Variants in STAM observed in about 807,000 individuals in gnomAD.
The protein encoded by STAM is signal transducing adaptor molecule, also known as signal transducing adapter molecule 1.
A neutral mutation model predicts 63.4 loss-of-function variants in STAM; 16 were observed. That is an observed-to-expected ratio of 0.25 (90% CI 0.17 to 0.38). The LOEUF (loss-of-function observed/expected upper bound fraction) is 0.38. Among genes scored for constraint, STAM ranks in the 10% least tolerant of loss-of-function variants. STAM has a pLI of 1.00. For missense variants in STAM, 636 were observed against 657.1 expected, an observed-to-expected ratio of 0.97 and a Z score of 0.35; for synonymous variants, 238 against 223.9, an observed-to-expected ratio of 1.06 and a Z score of -0.56.
rs1239507957 is a variant in STAM, at chr10:17,667,459, A to G, written c.125+6911A>G. Among the ~76,000 whole-genome samples the G allele has an allele frequency of 2.0e-5, 3 of 152,126 alleles. No homozygotes were observed. In the East Asian group the frequency reaches 5.8e-4, roughly 29 times the overall value. On this transcript the variant is annotated intron_variant, in intron 2 of 13. Coordinates refer to ENST00000377524, the MANE Select transcript of STAM (RefSeq NM_003473.4). ...TTTTTAAAACGTGATCTTGATTTCC[A>G]TGTTTCACTCAGTTTCGTAACATGG...
At chr10:17,656,437 G>T (rs1833943562) in intron 1 of STAM, among the ~76,000 whole-genome samples, 1 of 152,050 alleles carries the variant, frequency 6.6e-6, no homozygotes, top group Non-Finnish European at 1.5e-5. Context: ...GGTTGGTCTG[G>T]TGGGCCATTG....
intron 1 of STAM, among the ~76,000 whole-genome samples, chr10:17,657,529 A>C (rs1187939424): frequency 6.6e-6 from 1 of 152,244 alleles, no homozygotes; most frequent in Non-Finnish European, 1.5e-5. Context: ...AAGAGATTAC[A>C]CAGAATTAGT....
chr10:17,676,298 G>A (rs1834853026), intron 2 of STAM, among the ~76,000 whole-genome samples: 1 of 152,098 alleles, frequency 6.6e-6, no homozygotes, highest in Non-Finnish European at 1.5e-5. Context: ...GGCAGGAGTG[G>A]GTATAGGGAG....
intron 8 of STAM, among the ~76,000 whole-genome samples, chr10:17,699,693 G>T (rs904737166): frequency 6.6e-6 from 1 of 152,210 alleles, no homozygotes; most frequent in Non-Finnish European, 1.5e-5. Flanking sequence ...AAACGCCTAC[G>T]TGGCACGCCA....
chr10:17,699,233 T>C (rs1311257810), intron 8 of STAM, among the ~76,000 whole-genome samples: 4 of 152,218 alleles, frequency 2.6e-5, no homozygotes, highest in Admixed American at 6.5e-5. Context: ...AGGGCATATC[T>C]CATAAGATTG....
At chr10:17,672,198 A>G (rs1237510501) in intron 2 of STAM, among the ~76,000 whole-genome samples, 2 of 152,216 alleles carry the variant, frequency 1.3e-5, no homozygotes, top group African/African-American at 4.8e-5. Context: ...CGCGCCTAAC[A>G]TTGAGCTATA....
At chr10:17,698,729 AATAAT>A (rs1343774120) in intron 8 of STAM, among the ~76,000 whole-genome samples, 1 of 152,102 alleles carries the variant, frequency 6.6e-6, no homozygotes, top group East Asian at 1.9e-4. Flanking sequence ...ATTGTATATA[AATAAT>A]ATATTTTTTT....
intron 12 of STAM, 119 bp from the exon 13 acceptor site, chr10:17,708,657 A>G (rs191949232): frequency 4.7e-6 from 5 of 1,068,540 alleles, no homozygotes; most frequent in Non-Finnish European, 6.4e-6. Context: ...ATAACTTTGA[A>G]AAAAGGATTC....
intron 4 of STAM, among the ~76,000 whole-genome samples, chr10:17,685,876 G>C (rs1232923344): frequency 6.6e-6 from 1 of 152,140 alleles, no homozygotes; most frequent in Non-Finnish European, 1.5e-5. Flanking sequence ...TAATATGTGA[G>C]TTTCCCCAGT....
At chr10:17,663,168 C>G (rs782642113) in intron 2 of STAM, among the ~76,000 whole-genome samples, 2 of 152,090 alleles carry the variant, frequency 1.3e-5, no homozygotes, top group African/African-American at 2.4e-5. Context: ...TAGCACAAAG[C>G]TGTAGAGATC....
At chr10:17,679,986 C>CTAT (rs1267736782) in intron 2 of STAM, among the ~76,000 whole-genome samples, 1 of 151,890 alleles carries the variant, frequency 6.6e-6, no homozygotes, top group African/African-American at 2.4e-5. Flanking sequence ...CTTGGCCAGT[C>CTAT]TAACCAAAGG....
intron 12 of STAM, 37 bp from the exon 13 acceptor site, chr10:17,708,739 T>A: frequency 6.5e-7 from 1 of 1,544,962 alleles, no homozygotes; most frequent in East Asian, 2.3e-5. Flanking sequence ...TTATTAAAAT[T>A]TTAGAATTGA....
At chr10:17,669,930 C>T (rs1456673043) in intron 2 of STAM, among the ~76,000 whole-genome samples, 2 of 142,404 alleles carry the variant, frequency 1.4e-5, no homozygotes, top group Non-Finnish European at 1.5e-5. Context: ...CGTGGTTTCA[C>T]CATGTTAGCC....
intron 13 of STAM, among the ~76,000 whole-genome samples, chr10:17,712,862 G>C (rs890571853): frequency 6.6e-6 from 1 of 150,692 alleles, no homozygotes; most frequent in African/African-American, 2.4e-5. Flanking sequence ...TACTGGCAGC[G>C]GAGCGGTGGG....
intron 6 of STAM, among the ~76,000 whole-genome samples, 161 bp downstream of exon 6, chr10:17,693,473 C>A (rs575318831): frequency 1.3e-5 from 2 of 152,318 alleles, no homozygotes; most frequent in African/African-American, 2.4e-5. Flanking sequence ...CAATTACTGT[C>A]ACATGTATCC....
chr10:17,678,613 T>G (rs952038882), intron 2 of STAM, among the ~76,000 whole-genome samples: 3 of 152,358 alleles, frequency 2.0e-5, no homozygotes, highest in Non-Finnish European at 2.9e-5. Flanking sequence ...GTACTTATTT[T>G]ATTTTGGTAA....
At position 17,714,108 on chromosome 10, in the gene STAM, A is replaced by C. The variant is rs537041449; in HGVS notation, c.1386-435A>C. ...TGGCTCACTCGCTTACTTTTTCCACATCTTTGCTTAAGTATTGCCTTATTG... is the reference window on the plus strand; with the variant it reads ...TGGCTCACTCGCTTACTTTTTCCACCTCTTTGCTTAAGTATTGCCTTATTG... On this transcript the variant is annotated intron_variant, in intron 13 of 13. Transcript: ENST00000377524. Among the ~76,000 whole-genome samples the C allele has an allele frequency of 1.7e-3, 261 of 152,222 alleles. 1 individual carries two copies. Among genetic ancestry groups the C allele is most frequent in the African/African-American group, 6.0e-3 (248 of 41,536 alleles).
chr10:17,657,194 C>G (rs1833974670), intron 1 of STAM, among the ~76,000 whole-genome samples: 1 of 152,088 alleles, frequency 6.6e-6, no homozygotes, highest in Non-Finnish European at 1.5e-5. Flanking sequence ...TGCCTGCATT[C>G]ATTTAACACT....
intron 1 of STAM, among the ~76,000 whole-genome samples, chr10:17,644,952 C>G (rs1215081513): frequency 6.6e-6 from 1 of 152,056 alleles, no homozygotes; most frequent in Non-Finnish European, 1.5e-5. Flanking sequence ...AGGACCTGAG[C>G]CTTTGGGATG....
Sources: gnomAD v4.1 joint callset for allele counts (sites outside exome capture counted in the v4.1 genomes callset) on GRCh38, gnomAD v4.1.1 for gene constraint, MANE v1.5 for transcripts, NCBI Gene and HGNC (gene_info 2026-07-23, HGNC 2026-07-21) for gene names.